Variants in ADCY8 observed in about 807,000 individuals in gnomAD.
ADCY8 encodes the protein adenylate cyclase 8.
Under a neutral mutation model 119.7 loss-of-function variants are expected in ADCY8, and 51 were observed. The ratio of observed to expected loss-of-function variants is 0.43; its 90% CI spans 0.34 to 0.54. The LOEUF is 0.54. ADCY8 is among the 20% of genes least tolerant of loss of function. The pLI, the probability that ADCY8 is intolerant of heterozygous loss-of-function variation, is 0.03. For missense variants in ADCY8, 1,383 were observed against 1,598.8 expected (o/e 0.87, Z 2.30); for synonymous variants, 665 against 651.0 (o/e 1.02, Z -0.33).
intron 1 of ADCY8, among the ~76,000 whole-genome samples, chr8:131,000,889 A>G (rs1428246654): frequency 2.0e-5 from 3 of 152,030 alleles, no homozygotes; most frequent in African/African-American, 7.2e-5. Context: ...AGCACAGTCT[A>G]GAAGACCAGG....
At chr8:130,959,761 A>G (rs1563745742) in intron 2 of ADCY8, among the ~76,000 whole-genome samples, 1 of 152,208 alleles carries the variant, frequency 6.6e-6, no homozygotes, top group Admixed American at 6.5e-5. Context: ...AGAAGAGAGC[A>G]GTATGTGCAA....
intron 12 of ADCY8, among the ~76,000 whole-genome samples, chr8:130,825,633 G>T (rs987702413): frequency 2.6e-5 from 4 of 152,176 alleles, no homozygotes; most frequent in African/African-American, 9.7e-5. Flanking sequence ...GATCAGTTCT[G>T]CTTCTAAAAA....
intron 8 of ADCY8, among the ~76,000 whole-genome samples, chr8:130,878,254 CGT>C (rs146346460): frequency 6.6e-6 from 1 of 151,984 alleles, no homozygotes; most frequent in Admixed American, 6.6e-5. Flanking sequence ...GGATTTTATA[CGT>C]GTGTGTGTGT....
At chr8:130,790,734 C>T (rs191602996) in intron 15 of ADCY8, among the ~76,000 whole-genome samples, 1 of 152,094 alleles carries the variant, frequency 6.6e-6, no homozygotes, top group Non-Finnish European at 1.5e-5. Context: ...TCAGCTCAGG[C>T]CACTGTTGGG....
intron 14 of ADCY8, among the ~76,000 whole-genome samples, chr8:130,801,556 C>A (rs1013330979): frequency 1.3e-5 from 2 of 152,150 alleles, no homozygotes; most frequent in Non-Finnish European, 2.9e-5. Flanking sequence ...TTCTAAGAGT[C>A]TCTTCTAAGA....
At chr8:130,931,668 A>G (rs1586582232) in intron 5 of ADCY8, among the ~76,000 whole-genome samples, 1 of 152,056 alleles carries the variant, frequency 6.6e-6, no homozygotes, top group East Asian at 1.9e-4. Context: ...TATATTTTCA[A>G]ATAACCTGTG....
intron 12 of ADCY8, among the ~76,000 whole-genome samples, chr8:130,821,780 T>TA (rs1217780688): frequency 4.6e-5 from 7 of 152,168 alleles, no homozygotes; most frequent in South Asian, 2.1e-4. Flanking sequence ...AGCTTTATGC[T>TA]AAAAAAACCT....
At chr8:130,809,953 C>T (rs549562403) in intron 14 of ADCY8, among the ~76,000 whole-genome samples, 60 of 152,306 alleles carry the variant, frequency 3.9e-4, no homozygotes, top group African/African-American at 7.2e-4. Context: ...TCTTTGAGTG[C>T]GGTCTGTGGA....
intron 1 of ADCY8, among the ~76,000 whole-genome samples, chr8:131,022,538 T>C (rs998370902): frequency 4.6e-5 from 7 of 152,192 alleles, no homozygotes; most frequent in South Asian, 2.1e-4. Context: ...GGCATTTGGA[T>C]TGGTCTTAAA....
Position 130,849,667 on chromosome 8 carries a change from A to C in ADCY8, c.2347T>G (p.Leu783Val). 1 of 1,614,102 alleles carries C rather than the reference A, an allele frequency of 6.2e-7. No homozygotes were observed. The highest frequency in any genetic ancestry group is 8.5e-7 in the Non-Finnish European group (1 of 1,179,948). The change falls in exon 10 of 18, where the codon TTG becomes GTG. Residue 783 changes from leucine (L) to valine (V), a missense_variant. Physicochemically the swap from Leu to Val is conservative, Grantham distance 32 (BLOSUM62 1). Around this residue, in one of 2 missense-constraint regions of ADCY8, gnomAD observed 928 missense variants for 1,163.5 expected, o/e 0.80. Transcript: ENST00000286355. The stretch of plus-strand genomic sequence containing the variant: ...GCAAAGATGATGACGTTCCGGGCCA[A>C]ATAGGTCTCATTAATCCAACAGCAA... ...KTCCWINETY[L>V]ARNVIIFASI...
chr8:130,882,256 G>C (rs1457662511), intron 8 of ADCY8, among the ~76,000 whole-genome samples: 3 of 151,770 alleles, frequency 2.0e-5, no homozygotes, highest in Non-Finnish European at 4.4e-5. Flanking sequence ...TGGAGGTTCA[G>C]TTTTCTCTTT....
At chr8:131,032,527 G>A (rs1410187030) in intron 1 of ADCY8, among the ~76,000 whole-genome samples, 2 of 152,024 alleles carry the variant, frequency 1.3e-5, no homozygotes, top group Non-Finnish European at 2.9e-5. Flanking sequence ...TTCCTTTATC[G>A]AGAAGGTAGT....
At chr8:130,908,984 GCTCT>G (rs10532518) in intron 6 of ADCY8, among the ~76,000 whole-genome samples, 403 of 131,312 alleles carry the variant, frequency 3.1e-3, no homozygotes, top group Middle Eastern at 7.5e-3. Context: ...ATGTGGAAGT[GCTCT>G]CTCTCTCTCT....
At chr8:130,869,499 A>AT (rs1818248655) in intron 8 of ADCY8, among the ~76,000 whole-genome samples, 5 of 128,882 alleles carry the variant, frequency 3.9e-5, no homozygotes, top group African/African-American at 1.6e-4. Flanking sequence ...TTTTTTTTTT[A>AT]TTTTGTTTAT....
chr8:130,836,321 G>A lies in ADCY8; in HGVS notation c.2631C>T (p.Tyr877=), dbSNP rs752869218. The A allele has an allele frequency of 2.1e-5, 34 of 1,613,916 alleles. No individual in the cohort carries two copies. The highest frequency in any genetic ancestry group is 1.2e-4 in the Admixed American group (7 of 60,008). ...AIYALLTETV[Y]AGLFLRYDNL... is the part of the protein sequence containing the mutation. ...TGTCATAACGCAGAAAGAGGCCTGC[G>A]TAGACGGTCTCAGTGAGCAGGGCAT... Residue 877 remains tyrosine, a synonymous_variant, in exon 12 of 18, where the codon TAC becomes TAT. Transcript: ENST00000286355.
At position 131,034,226 on chromosome 8, in the gene ADCY8, A is replaced by G. The variant is rs1285265180; in HGVS notation, c.960+5148T>C. 2.8e-4 allele frequency among the ~76,000 whole-genome samples: 42 copies of G among 152,152 alleles called. 1 individual carries two copies. The highest frequency in any genetic ancestry group is 7.4e-5 in the Non-Finnish European group (5 of 67,986). ...GGATTCCCTTTATTTGATTTGAGAT[A>G]GCTACAAAGAACCTTAGACTTAGAC... On this transcript the variant is annotated intron_variant, in intron 1 of 17. Coordinates refer to ENST00000286355, the MANE Select transcript of ADCY8 (RefSeq NM_001115.3).
intron 12 of ADCY8, among the ~76,000 whole-genome samples, chr8:130,830,856 C>G (rs983634613): frequency 6.6e-6 from 1 of 152,196 alleles, no homozygotes; most frequent in Non-Finnish European, 1.5e-5. Flanking sequence ...TGCCAGAACT[C>G]AATTCTAGGT....
intron 7 of ADCY8, among the ~76,000 whole-genome samples, chr8:130,903,355 G>T (rs182266868): frequency 6.6e-6 from 1 of 151,926 alleles, no homozygotes; most frequent in African/African-American, 2.4e-5. Flanking sequence ...GAATCTCAGA[G>T]GGTGACACAG....
intron 12 of ADCY8, among the ~76,000 whole-genome samples, chr8:130,827,983 T>A (rs943879021): frequency 6.6e-6 from 1 of 152,206 alleles, no homozygotes; most frequent in African/African-American, 2.4e-5. Flanking sequence ...TTGGCTGTGT[T>A]TGAACCGGCT....
Sources: gnomAD v4.1 joint callset for allele counts (sites outside exome capture counted in the v4.1 genomes callset) on GRCh38, gnomAD v4.1.1 for gene constraint, gnomAD v4.1.1 regional missense constraint, MANE v1.5 for transcripts, NCBI Gene and HGNC (gene_info 2026-07-23, HGNC 2026-07-21) for gene names.